PYGO1: variants seen among roughly 807,000 people sequenced by gnomAD.
PYGO1 encodes pygopus homolog 1.
A neutral mutation model predicts 29.5 loss-of-function variants in PYGO1; 6 were observed. The observed-to-expected ratio is 0.20, with a 90% CI of 0.11 to 0.40. The LOEUF is 0.40. Ranked by LOEUF, PYGO1 falls within the 10% of genes least tolerant of loss-of-function variation. The probability of loss-of-function intolerance (pLI) is 1.00; values close to 1 mark genes in which losing one functional copy is unlikely to be tolerated. For synonymous variants in PYGO1, 186 were observed against 180.5 expected (o/e 1.03, Z -0.24); for missense variants, 515 against 514.9 (o/e 1.00, Z 0.00).
intron 1 of PYGO1, among the ~76,000 whole-genome samples, chr15:55,562,964 C>T (rs980541226): frequency 4.0e-5 from 6 of 151,610 alleles, no homozygotes; most frequent in Admixed American, 6.6e-5. Context: ...GGACACATTG[C>T]GGGGAACAAC....
rs145706441 is a variant in PYGO1 at position 55,574,921 on chromosome 15, T to A, written c.49+12914A>T. ...AGAAAATTTCCACAATACCAGATTGTTACAAAACTGAAGGGAAGAGGATTA... is the reference window on the plus strand; with the variant it reads ...AGAAAATTTCCACAATACCAGATTGATACAAAACTGAAGGGAAGAGGATTA... On this transcript the variant is annotated intron_variant, in intron 1 of 2. Coordinates refer to ENST00000563719, the MANE Select transcript of PYGO1 (RefSeq NM_001367806.1). Among the ~76,000 whole-genome samples, 540 of 152,304 alleles carry A rather than the reference T, an allele frequency of 3.5e-3. 14 individuals are homozygous for A. The East Asian group carries it at 0.053, about 15-fold the overall frequency.
At chr15:55,588,936 A>G, upstream of PYGO1, 2 of 1,301,016 alleles carry the variant, frequency 1.5e-6, no homozygotes, top group East Asian at 2.3e-5. Flanking sequence ...TTGGTATTTT[A>G]ACGACTTGAC....
intron 1 of PYGO1, among the ~76,000 whole-genome samples, chr15:55,582,810 A>C (rs1468625409): frequency 6.6e-6 from 1 of 152,064 alleles, no homozygotes; most frequent in Non-Finnish European, 1.5e-5. Flanking sequence ...AAAACAAAAA[A>C]TCCTTTCCTT....
At chr15:55,581,246 G>A (rs1226225574) in intron 1 of PYGO1, among the ~76,000 whole-genome samples, 1 of 152,168 alleles carries the variant, frequency 6.6e-6, no homozygotes, top group African/African-American at 2.4e-5. Flanking sequence ...GAGAAAAAGA[G>A]GGCATGTTTA....
rs558281474 is a variant in PYGO1, at chr15:55,539,287, T to C, written c.*6736A>G. The C allele has an allele frequency of 6.6e-6, 1 of 152,184 alleles. No homozygotes were observed. The highest frequency in any genetic ancestry group is 1.5e-5 in the Non-Finnish European group (1 of 67,992). The allele number at this position is 152,184 out of a possible 1,614,324, so 9.4% of individuals were successfully genotyped here. On this transcript the variant is annotated 3_prime_UTR_variant, in exon 3 of 3. Transcript: ENST00000563719. ...AAAAAGGAGAATTGGCTTACCATTA[T>C]TTAAGTAGTTACTATGAAGTAATTC...
intron 1 of PYGO1, among the ~76,000 whole-genome samples, chr15:55,564,698 T>G (rs1232200009): frequency 6.6e-6 from 1 of 152,182 alleles, no homozygotes; most frequent in Non-Finnish European, 1.5e-5. Flanking sequence ...TCTAAGATAG[T>G]TTAAATGGTG....
chr15:55,551,353 C>G (rs62020037), intron 1 of PYGO1, among the ~76,000 whole-genome samples: 8,285 of 152,250 alleles, frequency 0.054, 280 homozygotes, highest in Middle Eastern at 0.068. Flanking sequence ...CACATACTTG[C>G]TTTGCCACTT....
intron 1 of PYGO1, among the ~76,000 whole-genome samples, chr15:55,569,648 G>C (rs1002261395): frequency 2.0e-5 from 3 of 152,136 alleles, no homozygotes; most frequent in African/African-American, 7.2e-5. Context: ...TTCCACCGTG[G>C]TCCAAAAGTA....
intron 1 of PYGO1, among the ~76,000 whole-genome samples, chr15:55,559,338 T>C (rs2058922256): frequency 6.6e-6 from 1 of 151,996 alleles, no homozygotes. Flanking sequence ...CAACAGGTGC[T>C]GGAGAGGATG....
chr15:55,567,285 G>C (rs2058961209), intron 1 of PYGO1, among the ~76,000 whole-genome samples: 1 of 118,870 alleles, frequency 8.4e-6, no homozygotes, highest in Non-Finnish European at 1.6e-5. Context: ...ACAGCTAACT[G>C]CAGCCTCAAA....
rs2058826565 is a variant in PYGO1, at chr15:55,541,118, T to C, written c.*4905A>G. On this transcript the variant is annotated 3_prime_UTR_variant, in exon 3 of 3. Coordinates refer to ENST00000563719, the MANE Select transcript of PYGO1 (RefSeq NM_001367806.1). ...CTTATCCACTGAGTTTCATCAAAAG[T>C]TTTAAATTAAATACAGGCAGCTCTG... is the stretch of plus-strand genomic sequence containing the variant. 6.6e-6 allele frequency: 1 copy of C among 152,120 alleles called. No individual in the cohort carries two copies. Among genetic ancestry groups the C allele is most frequent in the African/African-American group, 2.4e-5 (1 of 41,438 alleles). 9.4% of individuals were successfully genotyped at this position (152,120 alleles called of 1,614,324 possible).
Position 55,568,215 on chromosome 15 carries a change from T to C in PYGO1, c.50-19220A>G, listed in dbSNP as rs574068781. On this transcript the variant is annotated intron_variant, in intron 1 of 2. Transcript: ENST00000563719. ...ATTCCTTCAATTCATGAGCATAGAA[T>C]GTTTTTCCATTTGTTTGTGTCATCT... 5.3e-5 allele frequency among the ~76,000 whole-genome samples: 8 copies of C among 152,304 alleles called. No individual in the cohort carries two copies. In the South Asian group the frequency reaches 1.4e-3, roughly 28 times the overall value.
chr15:55,559,775 T>C (rs1197238544), intron 1 of PYGO1, among the ~76,000 whole-genome samples: 2 of 152,192 alleles, frequency 1.3e-5, no homozygotes, highest in Admixed American at 6.5e-5. Flanking sequence ...TGAACATTGA[T>C]GTAAAAACCC....
chr15:55,545,828 T>C lies in PYGO1; in HGVS notation c.*195A>G. On this transcript the variant is annotated 3_prime_UTR_variant, in exon 3 of 3. Transcript: ENST00000563719. ...TATTTATGTTTCTAAAGCACCCCCATATACATTATTCTCATTTAAGACAGC... is the reference window on the plus strand; with the variant it reads ...TATTTATGTTTCTAAAGCACCCCCACATACATTATTCTCATTTAAGACAGC... 1.9e-6 allele frequency: 1 copy of C among 528,912 alleles called. No homozygotes were observed. Among genetic ancestry groups the C allele is most frequent in the Non-Finnish European group, 3.2e-6 (1 of 311,576 alleles). The allele number at this position is 528,912 out of a possible 1,614,324, so 32.8% of individuals were successfully genotyped here.
intron 1 of PYGO1, among the ~76,000 whole-genome samples, chr15:55,578,228 G>A (rs1389975887): frequency 1.3e-5 from 2 of 151,628 alleles, no homozygotes; most frequent in African/African-American, 4.8e-5. Flanking sequence ...ACCACATTTT[G>A]TTTATTCATT....
chr15:55,547,871 C>T (rs758515797), intron 2 of PYGO1, among the ~76,000 whole-genome samples: 26 of 152,276 alleles, frequency 1.7e-4, no homozygotes, highest in Non-Finnish European at 3.4e-4. Flanking sequence ...ATGATTGCTT[C>T]GTGATATGCA....
intron 1 of PYGO1, among the ~76,000 whole-genome samples, chr15:55,568,925 C>T (rs756244651): frequency 6.6e-6 from 1 of 152,122 alleles, no homozygotes; most frequent in Non-Finnish European, 1.5e-5. Context: ...CAACCTTGCA[C>T]CCCAGGACTG....
chr15:55,565,289 T>C (rs2058950404), intron 1 of PYGO1, among the ~76,000 whole-genome samples: 1 of 151,992 alleles, frequency 6.6e-6, no homozygotes, highest in African/African-American at 2.4e-5. Flanking sequence ...AAACCACCAC[T>C]GATAATCAAA....
At chr15:55,562,483 C>A (rs1375983781) in intron 1 of PYGO1, among the ~76,000 whole-genome samples, 2 of 152,026 alleles carry the variant, frequency 1.3e-5, no homozygotes, top group African/African-American at 4.8e-5. Flanking sequence ...ACCAACCTGG[C>A]CAACATGGTG....
Sources: gnomAD v4.1 joint callset for allele counts (sites outside exome capture counted in the v4.1 genomes callset) on GRCh38, gnomAD v4.1.1 for gene constraint, MANE v1.5 for transcripts, NCBI Gene and HGNC (gene_info 2026-07-23, HGNC 2026-07-21) for gene names.